Variants in CENPE observed in about 807,000 individuals in gnomAD.
The protein encoded by CENPE is centromere protein E.
Under a neutral mutation model 336.1 loss-of-function variants are expected in CENPE, and 145 were observed. The observed-to-expected ratio is 0.43, with a 90% CI of 0.38 to 0.50. The LOEUF (loss-of-function observed/expected upper bound fraction) is 0.50, where lower values mean the gene tolerates loss of function less well. Ranked by LOEUF, CENPE falls within the 20% of genes least tolerant of loss-of-function variation. CENPE has a pLI of 0.00. For synonymous variants in CENPE, 1,013 were observed against 984.8 expected (o/e 1.03, Z -0.54); for missense variants, 2,719 against 3,023.3 (o/e 0.90, Z 2.36).
At position 103,161,240 on chromosome 4, in the gene CENPE, T is replaced by C; in HGVS notation, c.1977A>G (p.Ala659=). Residue 659 remains alanine (A), a synonymous_variant, in exon 20 of 49, where the codon GCA becomes GCG. Transcript: ENST00000265148. ...CATTTTCCATTTGCTTGTATGTAGTTGCAAGTTCTTTCTATTGAGAAAAAC... is the reference window on the plus strand; with the variant it reads ...CATTTTCCATTTGCTTGTATGTAGTCGCAAGTTCTTTCTATTGAGAAAAAC... ...LELKEKMKEL[A]TTYKQMENDI... The C allele has an allele frequency of 1.2e-6, 2 of 1,608,578 alleles. No individual in the cohort carries two copies. Among genetic ancestry groups the C allele is most frequent in the Non-Finnish European group, 1.7e-6 (2 of 1,178,160 alleles).
chr4:103,183,829 G>A (rs900358409), intron 9 of CENPE, among the ~76,000 whole-genome samples: 1 of 151,896 alleles, frequency 6.6e-6, no homozygotes. Context: ...ATACAAGTTC[G>A]TATGTATTTA....
At chr4:103,186,878 C>G (rs1756820285) in intron 8 of CENPE, among the ~76,000 whole-genome samples, 2 of 151,994 alleles carry the variant, frequency 1.3e-5, no homozygotes. Flanking sequence ...AAACAGTAGT[C>G]TAGACAAAAA....
At chr4:103,169,506 A>T (rs1190711659) in intron 16 of CENPE, among the ~76,000 whole-genome samples, 1 of 152,244 alleles carries the variant, frequency 6.6e-6, no homozygotes, top group Non-Finnish European at 1.5e-5. Context: ...AAAGACAAGG[A>T]GAAAATCCTA....
chr4:103,185,219 T>C lies in CENPE; in HGVS notation c.745+591A>G, dbSNP rs982460447. Among the ~76,000 whole-genome samples the C allele has an allele frequency of 9.2e-5, 14 of 151,592 alleles. No individual in the cohort carries two copies. In the South Asian group the frequency reaches 1.9e-3, roughly 20 times the overall value. ...ACTTGGGAGGCTGAGGCATGAGAATTGCTTGAGCCCAGGAGGTGGAGGTTG... is the reference window on the plus strand; with the variant it reads ...ACTTGGGAGGCTGAGGCATGAGAATCGCTTGAGCCCAGGAGGTGGAGGTTG... On this transcript the variant is annotated intron_variant, in intron 9 of 48. Transcript: ENST00000265148.
At chr4:103,185,027 G>A (rs562132307) in intron 9 of CENPE, among the ~76,000 whole-genome samples, 4 of 151,874 alleles carry the variant, frequency 2.6e-5, no homozygotes, top group Non-Finnish European at 5.9e-5. Flanking sequence ...TTCTTAGGCC[G>A]GGTGTGGTGG....
At chr4:103,148,402 C>T (rs1295789154) in intron 28 of CENPE, among the ~76,000 whole-genome samples, 3 of 151,970 alleles carry the variant, frequency 2.0e-5, no homozygotes, top group African/African-American at 4.8e-5. Flanking sequence ...TGTAATTTTG[C>T]GTATTTCTGC....
chr4:103,194,987 A>G (rs1757630749), intron 5 of CENPE, 127 bp downstream of exon 5: 5 of 819,946 alleles, frequency 6.1e-6, no homozygotes, highest in Non-Finnish European at 9.1e-6. Context: ...AAATACTTCA[A>G]AAAAACCCTC....
chr4:103,176,058 G>T lies in CENPE; in HGVS notation c.1391-10C>A. On this transcript the variant is annotated splice_polypyrimidine_tract_variant and intron_variant, in intron 14 of 48. Transcript: ENST00000265148. ...GACTCTGAACAGACAGCTATAATTA[G>T]AGAAAAAAAAAATTTGTCCATGAAC... The T allele has an allele frequency of 6.6e-7, 1 of 1,521,622 alleles. No individual in the cohort carries two copies. Among genetic ancestry groups the T allele is most frequent in the South Asian group, 1.3e-5 (1 of 79,952 alleles). 94.3% of individuals were successfully genotyped at this position (1,521,622 alleles called of 1,614,324 possible).
At chr4:103,153,335 T>C (rs945477854) in intron 24 of CENPE, 85 bp from the exon 25 acceptor site, 37 of 813,548 alleles carry the variant, frequency 4.5e-5, no homozygotes, top group Non-Finnish European at 4.1e-5. Flanking sequence ...ACACATCTAT[T>C]ATGTGCCAGG....
At chr4:103,143,172 A>AATTC (rs1299494615) in intron 34 of CENPE, 76 bp downstream of exon 34, 1 of 1,001,048 alleles carries the variant, frequency 1.0e-6, no homozygotes, top group Non-Finnish European at 1.5e-6. Flanking sequence ...ATTTTAGGGT[A>AATTC]ATTCATATCT....
At chr4:103,122,457 C>T (rs1750720273) in intron 43 of CENPE, among the ~76,000 whole-genome samples, 1 of 152,106 alleles carries the variant, frequency 6.6e-6, no homozygotes, top group Non-Finnish European at 1.5e-5. Context: ...GTGATTATAA[C>T]ATTAAGCAAT....
chr4:103,191,692 G>GT (rs937960748), intron 8 of CENPE, among the ~76,000 whole-genome samples: 3 of 151,980 alleles, frequency 2.0e-5, no homozygotes, highest in African/African-American at 4.8e-5. Flanking sequence ...TATACCTAAT[G>GT]TAAATGACGA....
intron 16 of CENPE, among the ~76,000 whole-genome samples, chr4:103,165,578 T>A (rs1473135892): frequency 6.6e-6 from 1 of 152,212 alleles, no homozygotes; most frequent in Non-Finnish European, 1.5e-5. Context: ...TTTTGCTACA[T>A]ACACATAGAC....
In CENPE at chr4:103,184,699, C is replaced by T. The variant is rs376507518; in HGVS notation, c.745+1111G>A. On this transcript the variant is annotated intron_variant, in intron 9 of 48. Coordinates refer to ENST00000265148, the MANE Select transcript of CENPE (RefSeq NM_001813.3). The stretch of plus-strand genomic sequence containing the variant: ...TCTATTTCACTGGGCTGACAATTCA[C>T]ACAGTTTTAATTACTATGGCATTAT... Among the ~76,000 whole-genome samples, 15 of 152,246 alleles carry T rather than the reference C, an allele frequency of 9.9e-5. No individual in the cohort carries two copies. The East Asian group carries it at 2.3e-3, about 24-fold the overall frequency.
rs771278190 is a variant in CENPE at position 103,180,338 on chromosome 4, A to C, written c.1215T>G (p.Ser405=). The C allele has an allele frequency of 3.1e-6, 5 of 1,612,736 alleles. No individual in the cohort carries two copies. The South Asian group carries it at 5.5e-5, about 18-fold the overall frequency. Residue 405 remains serine (S), a synonymous_variant, in exon 13 of 49, where the codon TCT becomes TCG. Coordinates refer to ENST00000265148, the MANE Select transcript of CENPE (RefSeq NM_001813.3). ...TTAATTCCTGTTGCAACGTGAGGGA[A>C]GAAGAGGTCACCAGCATCCGTGTTA... ...ENLTRMLVTS[S]SLTLQQELKA... is the part of the protein sequence containing the mutation.
chr4:103,156,530 C>T (rs1753970998), intron 24 of CENPE, among the ~76,000 whole-genome samples: 1 of 151,984 alleles, frequency 6.6e-6, no homozygotes, highest in South Asian at 2.1e-4. Context: ...TAGCCACACA[C>T]AAAAGAACGA....
At chr4:103,177,584 A>G (rs1232087232) in intron 13 of CENPE, among the ~76,000 whole-genome samples, 1 of 151,974 alleles carries the variant, frequency 6.6e-6, no homozygotes, top group Non-Finnish European at 1.5e-5. Flanking sequence ...ACCTTACTAC[A>G]TCTTTTTAAC....
intron 25 of CENPE, among the ~76,000 whole-genome samples, 189 bp downstream of exon 25, chr4:103,152,858 G>T (rs1307756280): frequency 6.6e-6 from 1 of 152,122 alleles, no homozygotes; most frequent in Non-Finnish European, 1.5e-5. Context: ...TTCTGGGGGT[G>T]ATGGAAACAT....
intron 16 of CENPE, among the ~76,000 whole-genome samples, chr4:103,173,321 T>G (rs766603960): frequency 2.6e-5 from 4 of 152,006 alleles, no homozygotes; most frequent in African/African-American, 7.2e-5. Flanking sequence ...GAAGAAAAAC[T>G]AGATCTCCTG....
Sources: gnomAD v4.1 joint callset for allele counts (sites outside exome capture counted in the v4.1 genomes callset) on GRCh38, gnomAD v4.1.1 for gene constraint, MANE v1.5 for transcripts, NCBI Gene and HGNC (gene_info 2026-07-23, HGNC 2026-07-21) for gene names.